Variants in MUTYH observed in about 807,000 individuals in gnomAD.
The protein encoded by MUTYH is mutY DNA glycosylase.
MUTYH carries 64 observed loss-of-function variants against 72.9 expected under a neutral mutation model. The ratio of observed to expected loss-of-function variants is 0.88; its 90% CI spans 0.72 to 1.08. The LOEUF (loss-of-function observed/expected upper bound fraction) is 1.08. MUTYH is among the 50% of genes least tolerant of loss of function. The pLI is 0.00. For missense variants in MUTYH, 633 were observed against 671.0 expected (o/e 0.94, Z 0.63); for synonymous variants, 234 against 263.1 (o/e 0.89, Z 1.07).
At chr1:45,331,073 A>G in intron 14 of MUTYH, 109 bp downstream of exon 14, 10 of 1,467,980 alleles carry the variant, frequency 6.8e-6, no homozygotes, top group Non-Finnish European at 9.5e-7. Context: ...CAACAGAGCG[A>G]TTCTCCGTCT....
In MUTYH at chr1:45,332,018, C is replaced by A. The variant is rs1553127245; in HGVS notation, c.913+5G>T. On this transcript the variant is annotated splice_donor_5th_base_variant and intron_variant, in intron 11 of 15. Transcript: ENST00000456914. ...GTTGGGGTGGGGGCTAGGTTTGGTG[C>A]TCACCACACTCCTCCACGTCAGGAC... is the stretch of plus-strand genomic sequence containing the variant. The A allele has an allele frequency of 6.2e-7, 1 of 1,614,202 alleles. No individual in the cohort carries two copies. The highest frequency in any genetic ancestry group is 1.1e-5 in the South Asian group (1 of 91,088).
intron 1 of MUTYH, among the ~76,000 whole-genome samples, chr1:45,337,178 C>T (rs960092273): frequency 4.0e-5 from 6 of 149,998 alleles, no homozygotes; most frequent in Admixed American, 3.3e-4. Context: ...GGGTCTCACT[C>T]TGTCACCCAG....
chr1:45,339,983 G>C (rs1384587477), upstream of MUTYH: 1 of 1,531,836 alleles, frequency 6.5e-7, no homozygotes, highest in Non-Finnish European at 8.8e-7. Flanking sequence ...TACCTCCCGC[G>C]AGCTCTAGCG....
At chr1:45,333,656 A>C (rs2149178124) in intron 2 of MUTYH, 95 bp from the exon 3 acceptor site, 1 of 1,545,916 alleles carries the variant, frequency 6.5e-7, no homozygotes. Context: ...GCTCCCACTT[A>C]GGGCTTCCCC....
rs1002437652 is a variant in MUTYH, at chr1:45,332,754, T to C, written c.492+9A>G. On this transcript the variant is annotated intron_variant, in intron 7 of 15. Coordinates refer to ENST00000456914, the MANE Select transcript of MUTYH (RefSeq NM_001048174.2). ...CTCCTGGGTTCCTACCCTCCTGCCATCCCCTTACCTTCCGAGCTCCCTCCT... is the reference window on the plus strand; with the variant it reads ...CTCCTGGGTTCCTACCCTCCTGCCACCCCCTTACCTTCCGAGCTCCCTCCT... 1.2e-6 allele frequency: 2 copies of C among 1,613,946 alleles called. No homozygotes were observed. Among genetic ancestry groups the C allele is most frequent in the African/African-American group, 1.3e-5 (1 of 74,880 alleles).
intron 15 of MUTYH, 128 bp downstream of exon 15, chr1:45,330,388 G>T: frequency 8.8e-7 from 1 of 1,130,466 alleles, no homozygotes; most frequent in South Asian, 1.3e-5. Context: ...TCCAGGTCAA[G>T]AACTATTCCT....
chr1:45,334,171 T>A (rs1401788367), intron 2 of MUTYH: 3 of 551,770 alleles, frequency 5.4e-6, no homozygotes, highest in Non-Finnish European at 9.8e-6. Context: ...CACGCGAGCA[T>A]AGAGAGGGGA....
At chr1:45,338,501 T>C in intron 1 of MUTYH, 1 of 350,710 alleles carries the variant, frequency 2.9e-6, no homozygotes, top group Non-Finnish European at 5.5e-6. Context: ...GCCTTGTAGC[T>C]CTTACCTAAT....
intron 14 of MUTYH, 63 bp from the exon 15 acceptor site, chr1:45,330,620 T>C: frequency 6.5e-7 from 1 of 1,531,252 alleles, no homozygotes; most frequent in Non-Finnish European, 8.9e-7. Flanking sequence ...ACCGGTGTTC[T>C]GCCCTTAACT....
In MUTYH at chr1:45,333,248, G is replaced by A. The variant is rs376746333; in HGVS notation, c.304+37C>T. 3.2e-5 allele frequency: 51 copies of A among 1,614,094 alleles called. No homozygotes were observed. Among genetic ancestry groups the A allele is most frequent in the South Asian group, 3.1e-4 (28 of 91,082 alleles). On this transcript the variant is annotated intron_variant, in intron 4 of 15. Transcript: ENST00000456914. ...CACAGCCCCCAGACCCAAGGGCCTC[G>A]AGGCAAAGTGGCCCTGCTCTCAGGA...
intron 1 of MUTYH, chr1:45,338,332 C>A: frequency 1.9e-6 from 1 of 520,808 alleles, no homozygotes; most frequent in Non-Finnish European, 3.7e-6. Context: ...AATTTAGTTG[C>A]TTAAACACCT....
chr1:45,338,254 C>T (rs1646239336), intron 1 of MUTYH: 2 of 533,254 alleles, frequency 3.8e-6, no homozygotes, highest in Admixed American at 4.5e-5. Flanking sequence ...TTACTACAGC[C>T]TTGCAGGTCC....
Position 45,332,009 on chromosome 1 carries a change from G to A in MUTYH, c.913+14C>T, listed in dbSNP as rs756053202. ...CCAGGAAGGGTTGGGGTGGGGGCTA[G>A]GTTTGGTGCTCACCACACTCCTCCA... is the stretch of plus-strand genomic sequence containing the variant. On this transcript the variant is annotated intron_variant, in intron 11 of 15. Coordinates refer to ENST00000456914, the MANE Select transcript of MUTYH (RefSeq NM_001048174.2). 1 of 1,614,220 alleles carries A rather than the reference G, an allele frequency of 6.2e-7. No homozygotes were observed. The highest frequency in any genetic ancestry group is 1.1e-5 in the South Asian group (1 of 91,086).
intron 15 of MUTYH, 133 bp downstream of exon 15, chr1:45,330,383 G>T: frequency 9.2e-7 from 1 of 1,084,044 alleles, no homozygotes; most frequent in Non-Finnish European, 1.4e-6. Flanking sequence ...AGGTCTCCAG[G>T]TCAAGAACTA....
At chr1:45,339,798 C>A (rs1225252107) in intron 1 of MUTYH, 101 bp downstream of exon 1, 2 of 1,276,420 alleles carry the variant, frequency 1.6e-6, no homozygotes, top group Non-Finnish European at 2.1e-6. Flanking sequence ...TTCCCCCACA[C>A]GACCCTCTCC....
intron 1 of MUTYH, chr1:45,338,221 C>T (rs1240274014): frequency 1.9e-6 from 1 of 530,304 alleles, no homozygotes; most frequent in African/African-American, 1.9e-5. Flanking sequence ...CTGCCACACC[C>T]TTGCTCTTAG....
intron 1 of MUTYH, among the ~76,000 whole-genome samples, chr1:45,335,317 G>A (rs1028181471): frequency 1.3e-5 from 2 of 152,088 alleles, no homozygotes; most frequent in African/African-American, 2.4e-5. Flanking sequence ...GAGATTAAGC[G>A]ACTTGTTCTT....
At position 45,333,691 on chromosome 1, in the gene MUTYH, G is replaced by A; in HGVS notation, c.116-130C>T. On this transcript the variant is annotated intron_variant, in intron 2 of 15. Transcript: ENST00000456914. ...CCAACTAACCCCCTTAAGCTTTGGA[G>A]CTGGAGTCAGACCAGAGTTATGTAA... 5 of 1,352,250 alleles carry A rather than the reference G, an allele frequency of 3.7e-6. No homozygotes were observed. The South Asian group carries it at 7.2e-5, about 20-fold the overall frequency. 83.8% of individuals were successfully genotyped at this position (1,352,250 alleles called of 1,614,324 possible).
chr1:45,332,939 G>A lies in MUTYH; in HGVS notation c.399C>T (p.Asp133=), dbSNP rs1219173697. The A allele has an allele frequency of 6.2e-7, 1 of 1,614,146 alleles. No homozygotes were observed. Among genetic ancestry groups the A allele is most frequent in the Admixed American group, 1.7e-5 (1 of 60,028 alleles). ...TCACCTCCAGGGAAGCACTGGCCAG[G>A]TCCTGCAGTGTAGGCCACTTCTATA... The part of the protein sequence containing the change: ...GWMQKWPTLQ[D]LASASLEEVN... Residue 133 remains aspartate (D), a synonymous_variant, in exon 6 of 16, where the codon GAC becomes GAT. Transcript: ENST00000456914.
Sources: gnomAD v4.1 joint callset for allele counts (sites outside exome capture counted in the v4.1 genomes callset) on GRCh38, gnomAD v4.1.1 for gene constraint, MANE v1.5 for transcripts, NCBI Gene and HGNC (gene_info 2026-07-23, HGNC 2026-07-21) for gene names.